WDR20: variants seen among roughly 807,000 people sequenced by gnomAD.
The protein encoded by WDR20 is WD repeat-containing protein 20.
WDR20 carries 3 observed loss-of-function variants against 38.7 expected under a neutral mutation model. That is an observed-to-expected ratio of 0.08 (90% CI 0.04 to 0.20). WDR20 has a LOEUF of 0.20. Among genes scored for constraint, WDR20 ranks in the 10% least tolerant of loss-of-function variants. WDR20 has a pLI of 1.00. For synonymous variants in WDR20, 298 were observed against 285.6 expected, an observed-to-expected ratio of 1.04 and a Z score of -0.44; for missense variants, 559 against 727.7, an observed-to-expected ratio of 0.77 and a Z score of 2.67.
At chr14:102,189,941 C>T (rs892406130) in intron 1 of WDR20, among the ~76,000 whole-genome samples, 2 of 152,110 alleles carry the variant, frequency 1.3e-5, no homozygotes, top group African/African-American at 4.8e-5. Context: ...TTGGGAAAAT[C>T]CTTGCTGTGG....
downstream of WDR20, among the ~76,000 whole-genome samples, chr14:102,217,985 T>C (rs947016129): frequency 6.6e-6 from 1 of 152,180 alleles, no homozygotes; most frequent in African/African-American, 2.4e-5. Context: ...AGGCTGGCCT[T>C]CTCCCTCTGG....
At chr14:102,193,503 G>A (rs568588455) in intron 1 of WDR20, 20 of 1,613,324 alleles carry the variant, frequency 1.2e-5, no homozygotes, top group Admixed American at 1.0e-4. Flanking sequence ...TCTCATCTCC[G>A]TTTTAACTGA....
chr14:102,142,007 G>T (rs1838739813), intron 1 of WDR20, among the ~76,000 whole-genome samples: 1 of 152,074 alleles, frequency 6.6e-6, no homozygotes, highest in African/African-American at 2.4e-5. Context: ...ATAAAGACAG[G>T]TTTCTTGCCT....
At chr14:102,147,807 T>A (rs1005859149) in intron 1 of WDR20, among the ~76,000 whole-genome samples, 1 of 152,212 alleles carries the variant, frequency 6.6e-6, no homozygotes, top group Non-Finnish European at 1.5e-5. Flanking sequence ...CTTGGTTCAC[T>A]GCAACCTCTG....
At chr14:102,176,104 G>A (rs774271426) in intron 1 of WDR20, among the ~76,000 whole-genome samples, 1 of 152,162 alleles carries the variant, frequency 6.6e-6, no homozygotes, top group Non-Finnish European at 1.5e-5. Context: ...GAATAAAAGT[G>A]AAAGTCAGGG....
intron 1 of WDR20, among the ~76,000 whole-genome samples, chr14:102,160,517 A>G (rs930356770): frequency 6.6e-6 from 1 of 152,092 alleles, no homozygotes; most frequent in Non-Finnish European, 1.5e-5. Context: ...TTAATGATCT[A>G]TATTGGAGAT....
At chr14:102,141,488 C>CT (rs572259775) in intron 1 of WDR20, among the ~76,000 whole-genome samples, 123 of 149,066 alleles carry the variant, frequency 8.3e-4, no homozygotes, top group African/African-American at 2.5e-3. Context: ...ATCGCTTGAC[C>CT]TTTTTTTTTT....
chr14:102,143,009 A>C (rs1402709358), intron 1 of WDR20, among the ~76,000 whole-genome samples: 2 of 152,124 alleles, frequency 1.3e-5, no homozygotes, highest in Admixed American at 1.3e-4. Flanking sequence ...TCTAACGTTC[A>C]TGCTGAGGAG....
At chr14:102,142,413 G>A (rs1183183352) in intron 1 of WDR20, among the ~76,000 whole-genome samples, 2 of 152,108 alleles carry the variant, frequency 1.3e-5, no homozygotes, top group African/African-American at 4.8e-5. Context: ...TTTAGAGTTA[G>A]TAGTTACAAA....
At chr14:102,213,642 C>T (rs2062831528), downstream of WDR20, 1 of 985,500 alleles carries the variant, frequency 1.0e-6, no homozygotes, top group South Asian at 4.7e-5. Flanking sequence ...ACCCCCAGGG[C>T]CCAGCTGGCA....
At chr14:102,205,261 A>C (rs74712512) in intron 2 of WDR20, among the ~76,000 whole-genome samples, 1 of 112,844 alleles carries the variant, frequency 8.9e-6, no homozygotes, top group Non-Finnish European at 1.7e-5. Flanking sequence ...ACCCTGTCTC[A>C]AAAAAAAAAA....
At chr14:102,217,755 A>T (rs562922087), downstream of WDR20, among the ~76,000 whole-genome samples, 1 of 152,282 alleles carries the variant, frequency 6.6e-6, no homozygotes, top group South Asian at 2.1e-4. Context: ...GAATGGTGGG[A>T]GTCTTGCACG....
chr14:102,160,751 G>A (rs2058439296), intron 1 of WDR20, among the ~76,000 whole-genome samples: 1 of 151,442 alleles, frequency 6.6e-6, no homozygotes, highest in Admixed American at 6.6e-5. Context: ...GACCATCCTG[G>A]CTAACACGGT....
chr14:102,161,142 A>ATTTTT lies in WDR20; in HGVS notation c.249+20992_249+20996dup, dbSNP rs1233679287. The stretch of plus-strand genomic sequence containing the variant: ...ACTGCATATATATATATATATATAT[A>ATTTTT]TTTTTTTTTTTTTTTTTTTTTTTTT... On this transcript the variant is annotated intron_variant, in intron 1 of 2. Transcript: ENST00000342702. Among the ~76,000 whole-genome samples the ATTTTT allele has an allele frequency of 3.1e-3, 49 of 16,050 alleles. 14 individuals carry two copies. Among genetic ancestry groups the ATTTTT allele is most frequent in the African/African-American group, 5.1e-3 (16 of 3,130 alleles). 10.5% of individuals were successfully genotyped at this position (16,050 alleles called of 152,430 possible).
intron 1 of WDR20, among the ~76,000 whole-genome samples, chr14:102,159,801 T>C (rs1320216321): frequency 6.6e-6 from 1 of 151,690 alleles, no homozygotes; most frequent in Non-Finnish European, 1.5e-5. Context: ...GCCACTGCAC[T>C]CCAGCCTAGG....
At chr14:102,170,902 G>C (rs1173354410) in intron 1 of WDR20, among the ~76,000 whole-genome samples, 1 of 151,960 alleles carries the variant, frequency 6.6e-6, no homozygotes, top group African/African-American at 2.4e-5. Context: ...ATAGAAATTT[G>C]CTTTTTTTCC....
chr14:102,199,260 A>G (rs1023105789), intron 2 of WDR20, among the ~76,000 whole-genome samples: 1 of 151,718 alleles, frequency 6.6e-6, no homozygotes, highest in Non-Finnish European at 1.5e-5. Context: ...AACAGCACCC[A>G]CCTGAGAGGT....
At chr14:102,159,893 C>T (rs1483852244) in intron 1 of WDR20, among the ~76,000 whole-genome samples, 3 of 151,398 alleles carry the variant, frequency 2.0e-5, no homozygotes, top group Non-Finnish European at 2.9e-5. Flanking sequence ...TCACTTAAGA[C>T]CAGGAATTTG....
At chr14:102,191,000 CAAAAA>C (rs552354837) in intron 1 of WDR20, among the ~76,000 whole-genome samples, 6 of 91,414 alleles carry the variant, frequency 6.6e-5, no homozygotes, top group Non-Finnish European at 1.2e-4. Context: ...GACTCTATCT[CAAAAA>C]AAAAAAAAAA....
Sources: gnomAD v4.1 joint callset for allele counts (sites outside exome capture counted in the v4.1 genomes callset) on GRCh38, gnomAD v4.1.1 for gene constraint, MANE v1.5 for transcripts, NCBI Gene and HGNC (gene_info 2026-07-23, HGNC 2026-07-21) for gene names.